The following SP100 variants were observed in gnomAD, a reference collection of about 807,000 sequenced individuals.
SP100 encodes the protein nuclear autoantigen Sp-100.
Under a neutral mutation model 130.0 loss-of-function variants are expected in SP100, and 84 were observed. The ratio of observed to expected loss-of-function variants is 0.65; its 90% confidence interval spans 0.54 to 0.77. The LOEUF (loss-of-function observed/expected upper bound fraction) is 0.77. SP100 is among the 30% of genes least tolerant of loss of function. SP100 has a pLI of 0.00. For synonymous variants in SP100, 331 were observed against 351.7 expected (o/e 0.94, Z 0.66); for missense variants, 978 against 1,052.2 (o/e 0.93, Z 0.97).
intron 2 of SP100, among the ~76,000 whole-genome samples, chr2:230,421,162 T>C (rs1476462471): frequency 6.6e-6 from 1 of 152,184 alleles, no homozygotes; most frequent in African/African-American, 2.4e-5. Context: ...AAATAACTAT[T>C]GCCCTCTTAT....
chr2:230,449,680 G>A lies in SP100; in HGVS notation c.706G>A (p.Glu236Lys). The A allele has an allele frequency of 6.2e-6, 10 of 1,614,122 alleles. No individual in the cohort carries two copies. The highest frequency in any genetic ancestry group is 8.5e-6 in the Non-Finnish European group (10 of 1,180,016). ...TTCGCTAGGAAGCCAACAAACAAAT[G>A]AACAATGTGCTCAAAAGGCTGAGCC... ...DDSLGSQQTN[E>K]QCAQKAEPTE... The change falls in exon 7 of 29, where the codon GAA (glutamate) becomes AAA (lysine). Residue 236 changes from glutamate (E) to lysine (K), a missense_variant. Coordinates refer to ENST00000340126, the MANE Select transcript of SP100 (RefSeq NM_001080391.2).
chr2:230,486,112 G>T (rs4402748), intron 17 of SP100, among the ~76,000 whole-genome samples: 37,102 of 152,080 alleles, frequency 0.24, 6,372 homozygotes, highest in African/African-American at 0.49. Flanking sequence ...CCACATGGCT[G>T]GGAGGCCTCA....
chr2:230,507,681 C>T (rs539827284), intron 22 of SP100, among the ~76,000 whole-genome samples: 17 of 152,202 alleles, frequency 1.1e-4, no homozygotes, highest in Admixed American at 3.3e-4. Flanking sequence ...CTAGCAAAAA[C>T]GTAGAATGGG....
At chr2:230,497,934 C>A (rs866026467) in intron 18 of SP100, among the ~76,000 whole-genome samples, 1 of 152,186 alleles carries the variant, frequency 6.6e-6, no homozygotes, top group Non-Finnish European at 1.5e-5. Flanking sequence ...TAGTGTGTCA[C>A]CATCATAATG....
chr2:230,455,200 G>A (rs2064211552), intron 8 of SP100, among the ~76,000 whole-genome samples: 1 of 152,130 alleles, frequency 6.6e-6, no homozygotes, highest in Middle Eastern at 3.4e-3. Flanking sequence ...TAGCTGAGAT[G>A]ACAGGCATGT....
chr2:230,481,481 A>G (rs1315867311), intron 17 of SP100, among the ~76,000 whole-genome samples: 1 of 152,146 alleles, frequency 6.6e-6, no homozygotes, highest in Non-Finnish European at 1.5e-5. Context: ...CCAAGACTAT[A>G]TATCAGATTT....
At chr2:230,431,393 C>T (rs530646522) in intron 2 of SP100, among the ~76,000 whole-genome samples, 1 of 152,314 alleles carries the variant, frequency 6.6e-6, no homozygotes, top group East Asian at 1.9e-4. Context: ...TGGTGCTGTG[C>T]CAGCCTGGGG....
At chr2:230,495,116 T>A (rs1262302533) in intron 18 of SP100, among the ~76,000 whole-genome samples, 2 of 152,216 alleles carry the variant, frequency 1.3e-5, no homozygotes, top group Non-Finnish European at 2.9e-5. Context: ...GAAGCTGAGA[T>A]GCATTACAGA....
chr2:230,542,702 C>T, intron 28 of SP100, 134 bp from the exon 29 acceptor site: 1 of 523,348 alleles, frequency 1.9e-6, no homozygotes. Context: ...TATCAAGGAA[C>T]ATAAGCAACT....
intron 18 of SP100, among the ~76,000 whole-genome samples, chr2:230,497,919 G>A (rs931660232): frequency 1.3e-5 from 2 of 152,150 alleles, no homozygotes; most frequent in African/African-American, 4.8e-5. Context: ...GGCTAAGATG[G>A]TGGCTAGTGT....
At chr2:230,417,695 A>G (rs1323935086) in intron 2 of SP100, 30 bp downstream of exon 2, 1 of 1,598,814 alleles carries the variant, frequency 6.3e-7, no homozygotes, top group African/African-American at 1.3e-5. Context: ...GTCTTGTTTT[A>G]ATTTGTATTT....
At chr2:230,418,686 T>C (rs1174858807) in intron 2 of SP100, among the ~76,000 whole-genome samples, 1 of 152,220 alleles carries the variant, frequency 6.6e-6, no homozygotes, top group Admixed American at 6.5e-5. Context: ...TTCTTATCAA[T>C]TTTTCTGAGT....
Position 230,470,026 on chromosome 2 carries a change from A to G in SP100, c.1357A>G (p.Ser453Gly), listed in dbSNP as rs1163088422. ...IPSRKRRFSS[S>G]DFSDLSNGEE... ...ATTTTTTTCTGCAGGTTTCAGCAGT[A>G]GTGACTTTTCAGACCTGAGTAATGG... The change falls in exon 15 of 29, where the codon AGT becomes GGT. Residue 453 changes from serine to glycine, a missense_variant. By Grantham distance (56) the Ser-to-Gly change is moderately conservative. Transcript: ENST00000340126. 1.9e-6 allele frequency: 3 copies of G among 1,612,628 alleles called. No homozygotes were observed. Among genetic ancestry groups the G allele is most frequent in the East Asian group, 2.2e-5 (1 of 44,858 alleles).
chr2:230,497,872 T>C (rs1311653625), intron 18 of SP100, among the ~76,000 whole-genome samples: 2 of 152,166 alleles, frequency 1.3e-5, no homozygotes, highest in Non-Finnish European at 2.9e-5. Flanking sequence ...TCTTTGGTCA[T>C]TTTCACTGTA....
At chr2:230,420,159 GA>G (rs2062728049) in intron 2 of SP100, among the ~76,000 whole-genome samples, 5 of 152,136 alleles carry the variant, frequency 3.3e-5, no homozygotes, top group African/African-American at 1.2e-4. Context: ...TTGTAAACAG[GA>G]ATTCATTTTC....
chr2:230,434,947 G>A (rs675792), intron 2 of SP100, among the ~76,000 whole-genome samples: 1,766 of 152,272 alleles, frequency 0.012, 11 homozygotes, highest in Non-Finnish European at 0.02. Context: ...CACTCATGAA[G>A]AAATTGGGAG....
chr2:230,502,215 A>G (rs1182594458), intron 19 of SP100, among the ~76,000 whole-genome samples: 1 of 152,078 alleles, frequency 6.6e-6, no homozygotes, highest in Non-Finnish European at 1.5e-5. Context: ...CCTTTGTGCT[A>G]TCTTTAACCA....
At chr2:230,541,226 G>C (rs1043379783) in intron 26 of SP100, 75 bp from the exon 27 acceptor site, 1 of 1,413,360 alleles carries the variant, frequency 7.1e-7, no homozygotes, top group Non-Finnish European at 1.0e-6. Flanking sequence ...GGAGTCGTGT[G>C]TTCTCTTTGG....
At chr2:230,514,929 A>T in intron 24 of SP100, 1 of 1,116,180 alleles carries the variant, frequency 9.0e-7, no homozygotes, top group Non-Finnish European at 1.2e-6. Flanking sequence ...AAGAGATTGC[A>T]GTACATTGAG....
Sources: gnomAD v4.1 joint callset for allele counts (sites outside exome capture counted in the v4.1 genomes callset) on GRCh38, gnomAD v4.1.1 for gene constraint, MANE v1.5 for transcripts, NCBI Gene and HGNC (gene_info 2026-07-23, HGNC 2026-07-21) for gene names.